The following RANBP17 variants were observed in gnomAD, a reference collection of about 807,000 sequenced individuals.
The protein encoded by RANBP17 is RAN binding protein 17.
A neutral mutation model predicts 141.2 loss-of-function variants in RANBP17; 158 were observed. The observed-to-expected ratio is 1.12, with a 90% CI of 0.98 to 1.28. The LOEUF (loss-of-function observed/expected upper bound fraction) is 1.28, where lower values mean the gene tolerates loss of function less well. RANBP17 is among the 50% of genes most tolerant of loss of function. The pLI is 0.00. For synonymous variants in RANBP17, 430 were observed against 450.0 expected (o/e 0.96, Z 0.56); for missense variants, 1,438 against 1,290.7 (o/e 1.11, Z -1.75).
intron 24 of RANBP17, among the ~76,000 whole-genome samples, chr5:171,245,408 G>A (rs1010580098): frequency 9.9e-5 from 15 of 152,210 alleles, no homozygotes; most frequent in East Asian, 7.8e-4. Flanking sequence ...TCCGTCTCCC[G>A]GGTTCAAGTG....
intron 14 of RANBP17, among the ~76,000 whole-genome samples, chr5:171,062,672 C>T (rs1308551896): frequency 1.3e-5 from 2 of 152,140 alleles, no homozygotes; most frequent in Middle Eastern, 3.4e-3. Flanking sequence ...ATCTTTGTAG[C>T]GTTCTCTGTA....
chr5:171,225,386 C>G (rs1308331880), intron 22 of RANBP17, among the ~76,000 whole-genome samples: 1 of 152,224 alleles, frequency 6.6e-6, no homozygotes, highest in Non-Finnish European at 1.5e-5. Flanking sequence ...TTCTTAACCT[C>G]TACTGATTCT....
rs756724242 is a variant in RANBP17, at chr5:170,878,121, T to C, written c.43T>C (p.Cys15Arg). The change falls in exon 2 of 28, where the codon TGT (cysteine) becomes CGT (arginine). Residue 15 changes from cysteine (C) to arginine (R), a missense_variant. By Grantham distance (180) the Cys-to-Arg change is radical. Coordinates refer to ENST00000523189, the MANE Select transcript of RANBP17 (RefSeq NM_022897.5). The stretch of plus-strand genomic sequence containing the variant: ...GAGTTTGGCTGAATTGGAAGTGTTA[T>C]GTACTCATCTCTACATAGGGACTGA... ...FQSLAELEVL[C>R]THLYIGTDLT... 8.1e-6 allele frequency: 13 copies of C among 1,603,194 alleles called. No individual in the cohort carries two copies. The Admixed American group carries it at 1.2e-4, about 15-fold the overall frequency.
chr5:170,962,924 G>T (rs1051980547), intron 13 of RANBP17, among the ~76,000 whole-genome samples: 7 of 152,160 alleles, frequency 4.6e-5, no homozygotes, highest in South Asian at 2.1e-4. Context: ...ATTTTCGTAT[G>T]CTGTGACCTA....
chr5:171,120,705 A>T (rs1278093954), intron 14 of RANBP17, among the ~76,000 whole-genome samples: 1 of 152,088 alleles, frequency 6.6e-6, no homozygotes, highest in East Asian at 1.9e-4. Context: ...CTGGCATTTC[A>T]TATATTTCCT....
In RANBP17 at chr5:170,878,186, A is replaced by G; in HGVS notation, c.108A>G (p.Glu36=). 3 of 1,613,196 alleles carry G rather than the reference A, an allele frequency of 1.9e-6. No individual in the cohort carries two copies. The South Asian group carries it at 3.3e-5, about 18-fold the overall frequency. Residue 36 remains glutamate, a synonymous_variant, in exon 2 of 28, where the codon GAA becomes GAG. Transcript: ENST00000523189. ...TAGAGGCTGAGAAAGCACTCTTGGAACTTATTGACAGTCCAGAATGTCTCA... is the reference window on the plus strand; with the variant it reads ...TAGAGGCTGAGAAAGCACTCTTGGAGCTTATTGACAGTCCAGAATGTCTCA... ...QRIEAEKALL[E]LIDSPECLSK...
At chr5:170,876,794 G>A (rs1768217647) in intron 1 of RANBP17, among the ~76,000 whole-genome samples, 1 of 152,072 alleles carries the variant, frequency 6.6e-6, no homozygotes, top group Non-Finnish European at 1.5e-5. Flanking sequence ...GGGAATGTGT[G>A]GGCTAGTGTA....
chr5:171,234,338 A>G (rs1233045441), intron 22 of RANBP17, among the ~76,000 whole-genome samples: 1 of 152,194 alleles, frequency 6.6e-6, no homozygotes, highest in Non-Finnish European at 1.5e-5. Context: ...TAACAAGAAC[A>G]GTATCATATA....
intron 13 of RANBP17, among the ~76,000 whole-genome samples, chr5:170,954,878 C>A (rs886091219): frequency 6.6e-6 from 1 of 152,140 alleles, no homozygotes; most frequent in African/African-American, 2.4e-5. Flanking sequence ...GGGTCCCCAA[C>A]CCCTGTACTG....
intron 14 of RANBP17, among the ~76,000 whole-genome samples, chr5:170,984,732 C>G (rs1778005144): frequency 6.6e-6 from 1 of 152,044 alleles, no homozygotes; most frequent in Non-Finnish European, 1.5e-5. Context: ...TAGAATATTT[C>G]TTAGACTGTA....
chr5:171,159,917 CAAAAAAAAAAAAA>C (rs1175963382), intron 14 of RANBP17, among the ~76,000 whole-genome samples: 8 of 41,494 alleles, frequency 1.9e-4, no homozygotes, highest in Admixed American at 5.2e-4. Context: ...GACTCCATCT[CAAAAAAAAAAAAA>C]AAAAAAAAAA....
chr5:171,152,432 G>C (rs570989174), intron 14 of RANBP17, among the ~76,000 whole-genome samples: 1 of 149,380 alleles, frequency 6.7e-6, no homozygotes, highest in Admixed American at 6.7e-5. Context: ...AAAAAAAAAG[G>C]GCCCCAAAAA....
chr5:171,268,024 CTT>C (rs1296382098), intron 25 of RANBP17, among the ~76,000 whole-genome samples: 3 of 152,026 alleles, frequency 2.0e-5, no homozygotes, highest in African/African-American at 7.3e-5. Flanking sequence ...GGGCTGTAGA[CTT>C]ATAATTATTT....
intron 18 of RANBP17, among the ~76,000 whole-genome samples, chr5:171,197,193 A>T (rs936813337): frequency 6.6e-6 from 1 of 152,224 alleles, no homozygotes; most frequent in Admixed American, 6.5e-5. Context: ...GAAAATAAAG[A>T]TGTTCTAAAA....
At chr5:171,092,511 A>G (rs1786372560) in intron 14 of RANBP17, among the ~76,000 whole-genome samples, 2 of 152,236 alleles carry the variant, frequency 1.3e-5, no homozygotes, top group South Asian at 4.1e-4. Context: ...TGCAACCATT[A>G]GGACAAACCC....
chr5:171,199,800 T>A (rs1762197755), intron 19 of RANBP17, 27 bp downstream of exon 19: 1 of 1,426,792 alleles, frequency 7.0e-7, no homozygotes, highest in African/African-American at 1.4e-5. Context: ...ATATGAGGAA[T>A]GACAGTTTTG....
chr5:171,161,087 C>A (rs570234690), intron 14 of RANBP17, among the ~76,000 whole-genome samples: 1 of 152,174 alleles, frequency 6.6e-6, no homozygotes, highest in African/African-American at 2.4e-5. Context: ...CCACCGCGCC[C>A]GGCTGAGATT....
intron 3 of RANBP17, among the ~76,000 whole-genome samples, chr5:170,887,695 C>G (rs1487138067): frequency 6.6e-6 from 1 of 152,080 alleles, no homozygotes; most frequent in Non-Finnish European, 1.5e-5. Context: ...GCTGCTGTCA[C>G]AGAATAGCTG....
At chr5:170,939,359 TTTTATTTA>T (rs370040899) in intron 12 of RANBP17, among the ~76,000 whole-genome samples, 6,708 of 147,568 alleles carry the variant, frequency 0.045, 194 homozygotes, top group African/African-American at 0.088. Context: ...AAAAATTTTA[TTTTATTTA>T]TTTATTTATT....
Sources: allele counts gnomAD v4.1 joint callset (sites outside exome capture counted in the v4.1 genomes callset), GRCh38; gene constraint gnomAD v4.1.1; transcripts MANE v1.5; gene names NCBI Gene and HGNC (gene_info 2026-07-23, HGNC 2026-07-21).